The following CFAP20DC variants were observed in gnomAD, a reference collection of about 807,000 sequenced individuals.
CFAP20DC encodes the protein protein CFAP20DC.
A neutral mutation model predicts 101.7 loss-of-function variants in CFAP20DC; 84 were observed. That is an observed-to-expected ratio of 0.83 (90% CI 0.69 to 0.99). CFAP20DC has a LOEUF of 0.99. CFAP20DC is among the 50% of genes least tolerant of loss of function. The pLI is 0.00. For synonymous variants in CFAP20DC, 359 were observed against 351.2 expected, an observed-to-expected ratio of 1.02 and a Z score of -0.25; for missense variants, 1,007 against 970.3, an observed-to-expected ratio of 1.04 and a Z score of -0.50.
chr3:58,731,653 T>C (rs756204804), intron 3 of CFAP20DC, among the ~76,000 whole-genome samples: 9 of 152,342 alleles, frequency 5.9e-5, no homozygotes, highest in South Asian at 2.1e-4. Flanking sequence ...AAAATATCAA[T>C]AACCTTGAAA....
Position 58,831,790 on chromosome 3 carries a change from C to G in CFAP20DC, c.2071G>C (p.Ala691Pro). 1 of 1,613,896 alleles carries G rather than the reference C, an allele frequency of 6.2e-7. No homozygotes were observed. Among genetic ancestry groups the G allele is most frequent in the Non-Finnish European group, 8.5e-7 (1 of 1,179,808 alleles). ...RWQQNEELED[A>P]GTSHGLSASQ... ...GCACTCAGGCCATGGGAGGTCCCAG[C>G]ATCCTCCAGTTCTTCATTTTGTTGC... The change falls in exon 14 of 17, where the codon GCT becomes CCT. Residue 691 changes from alanine (A) to proline (P), a missense_variant. Physicochemically the swap from Ala to Pro is conservative, Grantham distance 27. Transcript: ENST00000482387.
At chr3:58,904,217 T>G (rs2083400448) in intron 6 of CFAP20DC, among the ~76,000 whole-genome samples, 1 of 152,164 alleles carries the variant, frequency 6.6e-6, no homozygotes, top group Non-Finnish European at 1.5e-5. Context: ...TCCTAGGTAG[T>G]TAACTATTTT....
At chr3:58,994,664 A>G (rs1284678285) in intron 4 of CFAP20DC, among the ~76,000 whole-genome samples, 1 of 152,160 alleles carries the variant, frequency 6.6e-6, no homozygotes, top group East Asian at 1.9e-4. Flanking sequence ...GACACCTCCA[A>G]TCATCAAATT....
At position 58,795,608 on chromosome 3, in the gene CFAP20DC, G is replaced by A. The variant is rs1194134650; in HGVS notation, c.2237+10787C>T. On this transcript the variant is annotated intron_variant, in intron 15 of 16. Transcript: ENST00000482387. This position sits in a 1 kb window ranked among gnomAD's most constrained non-coding sequence, Gnocchi z 4.2. ...CCACTGCACTTCAGCCTGGGTGACA[G>A]ACTGAGATCCTGTCTTCAAAAAGGA... 2.0e-5 allele frequency among the ~76,000 whole-genome samples: 3 copies of A among 152,334 alleles called. No homozygotes were observed. In the East Asian group the frequency reaches 5.8e-4, roughly 29 times the overall value.
chr3:58,860,465 A>G (rs976093565), intron 12 of CFAP20DC, among the ~76,000 whole-genome samples: 2 of 152,200 alleles, frequency 1.3e-5, no homozygotes, highest in Non-Finnish European at 2.9e-5. Context: ...TCTGAACACT[A>G]CAGGTAGTCA....
At chr3:58,819,740 T>C (rs905528404) in intron 14 of CFAP20DC, among the ~76,000 whole-genome samples, 2 of 144,910 alleles carry the variant, frequency 1.4e-5, no homozygotes, top group African/African-American at 2.6e-5. Flanking sequence ...CCATTCCTTC[T>C]GAAACTATTC....
chr3:58,893,342 C>T (rs2082407589), intron 6 of CFAP20DC, among the ~76,000 whole-genome samples: 1 of 152,128 alleles, frequency 6.6e-6, no homozygotes, highest in Admixed American at 6.5e-5. Context: ...CCGTGCCCGG[C>T]CAAAGGAACG....
intron 13 of CFAP20DC, among the ~76,000 whole-genome samples, chr3:58,843,750 G>C (rs960362439): frequency 2.6e-5 from 4 of 151,092 alleles, no homozygotes; most frequent in African/African-American, 9.7e-5. Flanking sequence ...AAAATGTTAA[G>C]GGAAGCCAGA....
chr3:59,035,658 T>A (rs1209189856), intron 4 of CFAP20DC, among the ~76,000 whole-genome samples: 1 of 152,164 alleles, frequency 6.6e-6, no homozygotes, highest in East Asian at 1.9e-4. Flanking sequence ...AGAAGTTGAA[T>A]CCCTGAGTAG....
At chr3:59,000,656 AG>A (rs2093283046) in intron 4 of CFAP20DC, among the ~76,000 whole-genome samples, 1 of 152,066 alleles carries the variant, frequency 6.6e-6, no homozygotes, top group South Asian at 2.1e-4. Context: ...AAGATTTGAG[AG>A]GTTGAAAATT....
rs539708829 is a variant in CFAP20DC at position 58,882,841 on chromosome 3, G to A, written c.715+1704C>T. Among the ~76,000 whole-genome samples the A allele has an allele frequency of 2.1e-4, 32 of 152,192 alleles. No individual in the cohort carries two copies. In the South Asian group the frequency reaches 6.7e-3, roughly 32 times the overall value. On this transcript the variant is annotated intron_variant, in intron 7 of 16. Transcript: ENST00000482387. The surrounding 1 kb of genome is among the most constrained non-coding windows in gnomAD (Gnocchi z 4.2). Reference sequence around the variant, plus strand: ...TGGAAGCAGGTGATTGGGTACACAGGGGTTGTTCATCATACATTCTCTCGA... The same window carrying A: ...TGGAAGCAGGTGATTGGGTACACAGAGGTTGTTCATCATACATTCTCTCGA...
intron 4 of CFAP20DC, chr3:59,017,589 C>A (rs911785192): frequency 6.6e-6 from 1 of 152,102 alleles, no homozygotes; most frequent in African/African-American, 2.4e-5. Flanking sequence ...AAACAAAAAA[C>A]CCTACATCCA....
In CFAP20DC at chr3:58,790,294, G is replaced by A. The variant is rs148384706; in HGVS notation, c.2237+16101C>T. ...ATCATACAATATGTATTTATTCTCA[G>A]TTGTATATCTTTGATATGGACCGGA... On this transcript the variant is annotated intron_variant, in intron 15 of 16. Coordinates refer to ENST00000482387, the MANE Select transcript of CFAP20DC (RefSeq NM_001394063.1). Among the ~76,000 whole-genome samples, 771 of 152,196 alleles carry A rather than the reference G, an allele frequency of 5.1e-3. 6 individuals carry two copies. The highest frequency in any genetic ancestry group is 0.017 in the African/African-American group (698 of 41,490).
In CFAP20DC at chr3:58,932,513, C is replaced by A. The variant is rs533842639; in HGVS notation, c.393+5135G>T. On this transcript the variant is annotated intron_variant, in intron 5 of 16. Transcript: ENST00000482387. ...GAAATGAAGGAAAAAATGTTAAGGG[C>A]AGCCAGAGAGAAAGGTCGCATTACC... 1.3e-3 allele frequency among the ~76,000 whole-genome samples: 200 copies of A among 152,230 alleles called. 1 individual carries two copies. Among genetic ancestry groups the A allele is most frequent in the Non-Finnish European group, 1.9e-3 (130 of 68,028 alleles).
intron 7 of CFAP20DC, among the ~76,000 whole-genome samples, chr3:58,883,176 A>T (rs1252900837): frequency 6.6e-6 from 1 of 152,202 alleles, no homozygotes; most frequent in Admixed American, 6.5e-5. Flanking sequence ...CTATTACCTG[A>T]GAATCACTGA....
chr3:58,868,524 T>G lies in CFAP20DC; in HGVS notation c.1016-588A>C, dbSNP rs1035570284. Among the ~76,000 whole-genome samples the G allele has an allele frequency of 4.6e-5, 7 of 152,168 alleles. No homozygotes were observed. Among genetic ancestry groups the G allele is most frequent in the African/African-American group, 1.7e-4 (7 of 41,454 alleles). On this transcript the variant is annotated intron_variant, in intron 9 of 16. Coordinates refer to ENST00000482387, the MANE Select transcript of CFAP20DC (RefSeq NM_001394063.1). The surrounding 1 kb of genome is among the most constrained non-coding windows in gnomAD (Gnocchi z 4.6). ...CCTTTGAGGCACCTGTTATTTATTA[T>G]TAGTATTAGTGCCAGTAGTAATGCC...
chr3:59,031,943 C>G (rs1349884736), intron 4 of CFAP20DC, among the ~76,000 whole-genome samples: 1 of 152,114 alleles, frequency 6.6e-6, no homozygotes, highest in Non-Finnish European at 1.5e-5. Context: ...TCTGCAGCTC[C>G]CAGTGAGATC....
At chr3:58,765,216 T>C (rs538715864) in intron 15 of CFAP20DC, among the ~76,000 whole-genome samples, 2 of 152,164 alleles carry the variant, frequency 1.3e-5, no homozygotes, top group South Asian at 4.1e-4. Context: ...CAATTTTATA[T>C]ACATTTATTT....
rs989413636 is a variant in CFAP20DC at position 58,869,507 on chromosome 3, C to T, written c.853-17G>A. 1.9e-6 allele frequency: 3 copies of T among 1,566,576 alleles called. No individual in the cohort carries two copies. Among genetic ancestry groups the T allele is most frequent in the Admixed American group, 1.9e-5 (1 of 53,226 alleles). On this transcript the variant is annotated splice_polypyrimidine_tract_variant and intron_variant, in intron 8 of 16. Coordinates refer to ENST00000482387, the MANE Select transcript of CFAP20DC (RefSeq NM_001394063.1). The surrounding 1 kb of genome is among the most constrained non-coding windows in gnomAD (Gnocchi z 4.3). ...TCTCACTGTCTGTAAAGGAATTAAT[C>T]TGTACATTTTAAAATATAGCAACTA... is the stretch of plus-strand genomic sequence containing the variant.
Sources: gnomAD v4.1 joint callset for allele counts (sites outside exome capture counted in the v4.1 genomes callset) on GRCh38, gnomAD v4.1.1 for gene constraint, Gnocchi (gnomAD v3.1) non-coding constraint, MANE v1.5 for transcripts, NCBI Gene and HGNC (gene_info 2026-07-23, HGNC 2026-07-21) for gene names.